ADGRL4: variants seen among roughly 807,000 people sequenced by gnomAD.
The protein encoded by ADGRL4 is EGF, latrophilin and seven transmembrane domain containing 1.
ADGRL4 carries 90 observed loss-of-function variants against 74.8 expected under a neutral mutation model. The observed-to-expected ratio is 1.20, with a 90% CI of 1.02 to 1.43. ADGRL4 has a LOEUF of 1.43. Among genes scored for constraint, ADGRL4 ranks in the 40% most tolerant of loss-of-function variants. The pLI is 0.00. For synonymous variants in ADGRL4, 311 were observed against 279.2 expected, an observed-to-expected ratio of 1.11 and a Z score of -1.14; for missense variants, 881 against 814.3, an observed-to-expected ratio of 1.08 and a Z score of -1.00.
At chr1:78,891,414 A>G in intron 14 of ADGRL4, 110 bp downstream of exon 14, 4 of 1,284,390 alleles carry the variant, frequency 3.1e-6, no homozygotes, top group Non-Finnish European at 4.3e-6. Context: ...TAGGCGATTT[A>G]GGCAATAAAG....
intron 2 of ADGRL4, among the ~76,000 whole-genome samples, chr1:78,996,962 A>G (rs1650729287): frequency 6.6e-6 from 1 of 152,224 alleles, no homozygotes; most frequent in Non-Finnish European, 1.5e-5. Flanking sequence ...GTGAGTCACA[A>G]AATGAGTTTG....
chr1:78,972,302 A>G (rs1345992075), intron 2 of ADGRL4, among the ~76,000 whole-genome samples: 1 of 152,166 alleles, frequency 6.6e-6, no homozygotes, highest in Non-Finnish European at 1.5e-5. Flanking sequence ...GCTTAGCTCT[A>G]ATATTTATGG....
At chr1:78,974,371 G>A (rs1650236855) in intron 2 of ADGRL4, among the ~76,000 whole-genome samples, 1 of 151,988 alleles carries the variant, frequency 6.6e-6, no homozygotes, top group Admixed American at 6.6e-5. Context: ...TTTGATTTAA[G>A]CATGATTTTA....
chr1:79,004,908 A>G (rs1206206051), intron 2 of ADGRL4, among the ~76,000 whole-genome samples, 162 bp downstream of exon 2: 1 of 152,220 alleles, frequency 6.6e-6, no homozygotes, highest in Non-Finnish European at 1.5e-5. Flanking sequence ...AAATTTTGAC[A>G]TGGTAAGTCA....
chr1:78,995,547 C>G (rs1484797303), intron 2 of ADGRL4, among the ~76,000 whole-genome samples: 1 of 152,170 alleles, frequency 6.6e-6, no homozygotes, highest in Non-Finnish European at 1.5e-5. Flanking sequence ...CAGAGTTTAA[C>G]ACAACTGTGT....
In ADGRL4 at chr1:78,893,165, T is replaced by C; in HGVS notation, c.1774A>G (p.Ile592Val). The C allele has an allele frequency of 6.2e-7, 1 of 1,604,374 alleles. No individual in the cohort carries two copies. The highest frequency in any genetic ancestry group is 8.5e-7 in the Non-Finnish European group (1 of 1,175,938). Reference protein sequence around the residue: ...ILVNLLAFGVIIYKVFRHTAG... With the variant: ...ILVNLLAFGVVIYKVFRHTAG... ...GTGTGACGAAAAACTTTGTATATGA[T>C]GACTCCAAAAGCCAAGAGATTAACC... The change falls in exon 13 of 15, where the codon ATC becomes GTC. Residue 592 changes from isoleucine (I) to valine (V), a missense_variant. Transcript: ENST00000370742.
At chr1:78,934,233 C>T (rs7513364) in intron 7 of ADGRL4, among the ~76,000 whole-genome samples, 1 of 151,160 alleles carries the variant, frequency 6.6e-6, no homozygotes, top group Admixed American at 6.6e-5. Context: ...GAACAGAGAC[C>T]TCAGAAATAA....
intron 3 of ADGRL4, among the ~76,000 whole-genome samples, chr1:78,945,196 A>ATATC (rs1553136479): frequency 6.7e-6 from 1 of 148,222 alleles, no homozygotes; most frequent in African/African-American, 2.5e-5. Flanking sequence ...ATATATATAT[A>ATATC]TCTCAATAGG....
At chr1:78,893,016 C>T in intron 13 of ADGRL4, 82 bp downstream of exon 13, 2 of 770,848 alleles carry the variant, frequency 2.6e-6, no homozygotes, top group East Asian at 2.7e-5. Context: ...AAAATAATTC[C>T]CCAAATTATT....
chr1:78,937,944 A>G lies in ADGRL4; in HGVS notation c.623T>C (p.Val208Ala), dbSNP rs1557504745. 4.3e-6 allele frequency: 7 copies of G among 1,613,418 alleles called. No homozygotes were observed. The highest frequency in any genetic ancestry group is 5.9e-6 in the Non-Finnish European group (7 of 1,179,850). Residue 208 changes from valine (V) to alanine (A), a missense_variant, in exon 6 of 15, where the codon GTA (valine) becomes GCA (alanine). By Grantham distance (64) the Val-to-Ala change is moderately conservative. Transcript: ENST00000370742. ...ATTCACAGATAACTTGTCCCAAACT[A>G]CAAATGTATCCCTTTGAACAAAATT... ...VNNFVQRDTF[V>A]VWDKLSVNHR...
At chr1:78,947,181 T>C (rs1649618688) in intron 2 of ADGRL4, among the ~76,000 whole-genome samples, 1 of 152,170 alleles carries the variant, frequency 6.6e-6, no homozygotes, top group South Asian at 2.1e-4. Context: ...GAAACCCTGT[T>C]TTGGGTTAAA....
intron 2 of ADGRL4, among the ~76,000 whole-genome samples, chr1:78,958,160 A>G (rs886165384): frequency 3.9e-5 from 6 of 152,188 alleles, no homozygotes; most frequent in African/African-American, 9.6e-5. Context: ...TTGTCAATCC[A>G]TCTGATCATC....
chr1:78,930,623 G>A (rs1557501799), intron 7 of ADGRL4, among the ~76,000 whole-genome samples: 1 of 150,666 alleles, frequency 6.6e-6, no homozygotes, highest in Non-Finnish European at 1.5e-5. Context: ...GCTAATTTTT[G>A]TATTTTTAGT....
chr1:78,988,798 C>A (rs1458538473), intron 2 of ADGRL4, among the ~76,000 whole-genome samples: 3 of 151,740 alleles, frequency 2.0e-5, no homozygotes, highest in Non-Finnish European at 4.4e-5. Flanking sequence ...AGGCAGGACA[C>A]CAAATTCGTC....
chr1:78,892,497 A>G (rs190545120), intron 13 of ADGRL4, among the ~76,000 whole-genome samples: 1 of 152,240 alleles, frequency 6.6e-6, no homozygotes, highest in African/African-American at 2.4e-5. Flanking sequence ...GTCATTTTCA[A>G]CTTTATTAAA....
intron 1 of ADGRL4, among the ~76,000 whole-genome samples, chr1:79,006,335 G>A (rs959739887): frequency 6.6e-6 from 1 of 152,142 alleles, no homozygotes; most frequent in Non-Finnish European, 1.5e-5. Context: ...ACCTCTCATG[G>A]GTGTTAATGG....
chr1:78,990,744 C>T (rs1650591776), intron 2 of ADGRL4, among the ~76,000 whole-genome samples: 1 of 151,932 alleles, frequency 6.6e-6, no homozygotes, highest in South Asian at 2.1e-4. Context: ...AAGCATAACA[C>T]TAAAATCAAG....
At chr1:78,977,658 T>C (rs1197211867) in intron 2 of ADGRL4, among the ~76,000 whole-genome samples, 1 of 151,880 alleles carries the variant, frequency 6.6e-6, no homozygotes, top group Non-Finnish European at 1.5e-5. Flanking sequence ...CACATGCAAA[T>C]TGTGTATGTG....
intron 2 of ADGRL4, among the ~76,000 whole-genome samples, chr1:78,971,310 G>A (rs1016284368): frequency 1.3e-5 from 2 of 152,046 alleles, no homozygotes; most frequent in African/African-American, 4.8e-5. Context: ...TAAGTTTTAG[G>A]ATACATGTGC....
Sources: allele counts gnomAD v4.1 joint callset (sites outside exome capture counted in the v4.1 genomes callset), GRCh38; gene constraint gnomAD v4.1.1; transcripts MANE v1.5; gene names NCBI Gene and HGNC (gene_info 2026-07-23, HGNC 2026-07-21).